The following RNF32 variants were observed in gnomAD, a reference collection of about 807,000 sequenced individuals.
RNF32 encodes ring finger protein 32.
In RNF32, 36 loss-of-function variants were observed where a neutral mutation model predicts 41.0. The ratio of observed to expected loss-of-function variants is 0.88; its 90% CI spans 0.67 to 1.16. The LOEUF is 1.16. RNF32 is among the 50% of genes most tolerant of loss of function. The pLI, the probability that RNF32 is intolerant of heterozygous loss-of-function variation, is 0.00. For synonymous variants in RNF32, 154 were observed against 160.9 expected, an observed-to-expected ratio of 0.96 and a Z score of 0.32; for missense variants, 413 against 436.7, an observed-to-expected ratio of 0.95 and a Z score of 0.48.
chr7:156,673,761 T>C (rs1803132604), intron 7 of RNF32, among the ~76,000 whole-genome samples: 1 of 152,002 alleles, frequency 6.6e-6, no homozygotes, highest in East Asian at 1.9e-4. Context: ...CAGCTCATAG[T>C]CTCCACAGCA....
In RNF32 at chr7:156,658,203, C is replaced by T. The variant is rs149366944; in HGVS notation, c.526C>T (p.Arg176Ter). The T allele has an allele frequency of 5.6e-6, 9 of 1,614,088 alleles. No homozygotes were observed. The highest frequency in any genetic ancestry group is 6.8e-6 in the Non-Finnish European group (8 of 1,179,982). The change falls in exon 6 of 9, where the codon CGA (arginine) becomes TGA (stop). Residue 176 changes from arginine to a stop codon, truncating the protein, a stop_gained. Coordinates refer to ENST00000317955, the MANE Select transcript of RNF32 (RefSeq NM_030936.4). LOFTEE classifies it high-confidence loss of function. ...CTGTAGAAAGAACCAGTATCAAACC[C>T]GAGTGATACACGATGGGGCCCGCCT... ...PLCRKNQYQT[R>*]VIHDGARLFR...
intron 4 of RNF32, 43 bp from the exon 5 acceptor site, chr7:156,657,498 C>G (rs1463061684): frequency 6.2e-7 from 1 of 1,604,896 alleles, no homozygotes; most frequent in African/African-American, 1.3e-5. Context: ...CATGCTGCTT[C>G]TCTTTTGTAA....
intron 1 of RNF32, among the ~76,000 whole-genome samples, chr7:156,642,796 G>A (rs534642296): frequency 2.4e-4 from 37 of 152,334 alleles, no homozygotes; most frequent in Admixed American, 1.0e-3. Flanking sequence ...GGGGTACCTG[G>A]AGGAAACCCA....
intron 1 of RNF32, among the ~76,000 whole-genome samples, chr7:156,642,730 G>C (rs1797518907): frequency 2.0e-5 from 3 of 152,244 alleles, no homozygotes; most frequent in Non-Finnish European, 4.4e-5. Context: ...CACTCACTCA[G>C]ACGGGGACGC....
At chr7:156,664,105 A>G (rs1352000336) in intron 7 of RNF32, among the ~76,000 whole-genome samples, 2 of 152,260 alleles carry the variant, frequency 1.3e-5, no homozygotes, top group African/African-American at 4.8e-5. Flanking sequence ...ATTCTGCTCC[A>G]GTGCACACGG....
intron 3 of RNF32, among the ~76,000 whole-genome samples, chr7:156,650,947 G>A (rs147777923): frequency 1.2e-4 from 19 of 152,220 alleles, no homozygotes; most frequent in East Asian, 1.9e-4. Context: ...TTAACCCTGC[G>A]GGTCTCCATT....
chr7:156,642,103 A>C (rs1563063077), intron 1 of RNF32, among the ~76,000 whole-genome samples: 1 of 152,194 alleles, frequency 6.6e-6, no homozygotes, highest in East Asian at 1.9e-4. Flanking sequence ...TTTTGGATTA[A>C]TTTCTTTCTA....
At chr7:156,659,056 C>T (rs2131513671) in intron 7 of RNF32, 1 of 1,397,552 alleles carries the variant, frequency 7.2e-7, no homozygotes, top group African/African-American at 1.5e-5. Flanking sequence ...GTCTACCCTT[C>T]CTCTTAACCA....
upstream of RNF32, chr7:156,640,505 G>T: frequency 2.8e-6 from 1 of 355,946 alleles, no homozygotes; most frequent in Non-Finnish European, 5.4e-6. Flanking sequence ...CCCCAAAAAC[G>T]CCCGCTGCGC....
intron 7 of RNF32, among the ~76,000 whole-genome samples, chr7:156,672,787 G>A (rs1396313186): frequency 2.0e-5 from 3 of 152,188 alleles, no homozygotes; most frequent in African/African-American, 4.8e-5. Context: ...TTCTGAAAGC[G>A]CACGCACAGC....
chr7:156,663,093 C>T (rs1315109138), intron 7 of RNF32, among the ~76,000 whole-genome samples: 2 of 152,096 alleles, frequency 1.3e-5, no homozygotes, highest in African/African-American at 4.8e-5. Flanking sequence ...CTCGGCCTCC[C>T]AAAGTGCTGG....
chr7:156,653,547 AT>A (rs1799085507), intron 3 of RNF32, among the ~76,000 whole-genome samples: 1 of 152,222 alleles, frequency 6.6e-6, no homozygotes, highest in Non-Finnish European at 1.5e-5. Flanking sequence ...GTTTTCTGTC[AT>A]GTTTTGTCGA....
At chr7:156,640,560 C>G, upstream of RNF32, 1 of 391,842 alleles carries the variant, frequency 2.6e-6, no homozygotes, top group Non-Finnish European at 5.0e-6. Context: ...TGACGCCGTG[C>G]GCGGGGCGGG....
intron 3 of RNF32, among the ~76,000 whole-genome samples, chr7:156,650,433 C>T (rs898284407): frequency 6.6e-6 from 1 of 152,206 alleles, no homozygotes; most frequent in Non-Finnish European, 1.5e-5. Context: ...AGGCTGAGCC[C>T]ATTTCCACTG....
intron 3 of RNF32, among the ~76,000 whole-genome samples, chr7:156,653,628 T>C (rs1464496618): frequency 6.6e-6 from 1 of 152,182 alleles, no homozygotes; most frequent in African/African-American, 2.4e-5. Flanking sequence ...TTGACCCGTC[T>C]TTGGGGTGCG....
intron 3 of RNF32, among the ~76,000 whole-genome samples, chr7:156,650,766 G>A (rs1798604803): frequency 6.6e-6 from 1 of 152,226 alleles, no homozygotes; most frequent in Admixed American, 6.5e-5. Flanking sequence ...TTGAGCCAAA[G>A]GCAAAGAGCT....
Position 156,658,265 on chromosome 7 carries a change from G to A in RNF32, c.575+13G>A, listed in dbSNP as rs1349041855. 2 of 1,612,454 alleles carry A rather than the reference G, an allele frequency of 1.2e-6. No individual in the cohort carries two copies. The highest frequency in any genetic ancestry group is 1.3e-5 in the African/African-American group (1 of 74,778). On this transcript the variant is annotated intron_variant, in intron 6 of 8. Coordinates refer to ENST00000317955, the MANE Select transcript of RNF32 (RefSeq NM_030936.4). ...AGTGTGTGACCAGGTGAGGACGCCA[G>A]GCCCGTTTGGCGCTAAGCAGACACA...
At chr7:156,668,222 C>G (rs1801665128) in intron 7 of RNF32, among the ~76,000 whole-genome samples, 1 of 152,178 alleles carries the variant, frequency 6.6e-6, no homozygotes, top group Non-Finnish European at 1.5e-5. Flanking sequence ...AAAGGAGCAG[C>G]AGCGCCCTGT....
At position 156,658,562 on chromosome 7, in the gene RNF32, G is replaced by A; in HGVS notation, c.676G>A (p.Glu226Lys). Residue 226 changes from glutamate to lysine, a missense_variant, in exon 7 of 9, where the codon GAA becomes AAA. Physicochemically the swap from Glu to Lys is moderately conservative, Grantham distance 56 (BLOSUM62 1). Transcript: ENST00000317955. Reference protein sequence around the residue: ...TDAKLRKKFFEKKFTEISHRI... With the variant: ...TDAKLRKKFFKKKFTEISHRI... ...TGCCAAGTTAAGAAAAAAATTCTTT[G>A]AAAAAAAGGTAGGTAAAGATCATTA... 1 of 1,603,244 alleles carries A rather than the reference G, an allele frequency of 6.2e-7. No homozygotes were observed. Among genetic ancestry groups the A allele is most frequent in the African/African-American group, 1.3e-5 (1 of 74,648 alleles).
Sources: gnomAD v4.1 joint callset for allele counts (sites outside exome capture counted in the v4.1 genomes callset) on GRCh38, gnomAD v4.1.1 for gene constraint, MANE v1.5 for transcripts, NCBI Gene and HGNC (gene_info 2026-07-23, HGNC 2026-07-21) for gene names.